The following NT5C2 variants were observed in gnomAD, a reference collection of about 807,000 sequenced individuals.
NT5C2 encodes the protein 5'-nucleotidase, cytosolic II.
In NT5C2, 58 loss-of-function variants were observed where a neutral mutation model predicts 76.1. The observed-to-expected ratio is 0.76, with a 90% CI of 0.62 to 0.95. The LOEUF (loss-of-function observed/expected upper bound fraction) is 0.95, where lower values mean the gene tolerates loss of function less well. Ranked by LOEUF, NT5C2 falls within the 40% of genes least tolerant of loss-of-function variation. The pLI, the probability that NT5C2 is intolerant of heterozygous loss-of-function variation, is 0.00. For missense variants in NT5C2, 478 were observed against 690.3 expected (o/e 0.69, Z 3.45); for synonymous variants, 229 against 237.4 (o/e 0.96, Z 0.32).
At chr10:103,121,293 A>AT (rs1186545828) in intron 4 of NT5C2, among the ~76,000 whole-genome samples, 7 of 152,192 alleles carry the variant, frequency 4.6e-5, no homozygotes, top group African/African-American at 1.4e-4. Context: ...TATTCTATAT[A>AT]TTTTACCATA....
chr10:103,169,081 G>A (rs2087139530), intron 3 of NT5C2, among the ~76,000 whole-genome samples: 4 of 151,982 alleles, frequency 2.6e-5, no homozygotes, highest in Non-Finnish European at 5.9e-5. Context: ...ATCATGATGA[G>A]TACAGATAAT....
intron 2 of NT5C2, among the ~76,000 whole-genome samples, chr10:103,180,240 AAGAC>A (rs2090817156): frequency 6.6e-6 from 1 of 152,342 alleles, no homozygotes; most frequent in African/African-American, 2.4e-5. Context: ...TAAAATTAAA[AAGAC>A]AGTATCAAAT....
intron 1 of NT5C2, among the ~76,000 whole-genome samples, chr10:103,186,512 G>A (rs1591912523): frequency 6.6e-6 from 1 of 152,160 alleles, no homozygotes; most frequent in Non-Finnish European, 1.5e-5. Context: ...TATAGCTATA[G>A]GTTTGTTTCC....
chr10:103,129,225 C>T (rs1414052679), intron 4 of NT5C2, among the ~76,000 whole-genome samples: 1 of 101,850 alleles, frequency 9.8e-6, no homozygotes, highest in Non-Finnish European at 2.1e-5. Flanking sequence ...TCAGCCTGGC[C>T]AGCCACCCCG....
intron 3 of NT5C2, among the ~76,000 whole-genome samples, chr10:103,174,119 A>C (rs912309014): frequency 1.3e-5 from 2 of 148,398 alleles, no homozygotes; most frequent in African/African-American, 5.0e-5. Context: ...AAAAAAATTC[A>C]TTCTTGGCAG....
At chr10:103,185,571 C>T (rs543317705) in intron 1 of NT5C2, among the ~76,000 whole-genome samples, 10 of 147,158 alleles carry the variant, frequency 6.8e-5, no homozygotes, top group Non-Finnish European at 1.3e-4. Flanking sequence ...TTGCTTGAGC[C>T]GGGAAGGCAG....
At chr10:103,125,164 T>C in intron 4 of NT5C2, 1 of 575,512 alleles carries the variant, frequency 1.7e-6, no homozygotes, top group Non-Finnish European at 3.2e-6. Flanking sequence ...GATCTTTGAG[T>C]TGCACATCAA....
At chr10:103,172,165 G>A (rs567264242) in intron 3 of NT5C2, among the ~76,000 whole-genome samples, 2 of 151,984 alleles carry the variant, frequency 1.3e-5, no homozygotes, top group Non-Finnish European at 1.5e-5. Flanking sequence ...AGCTGAGACC[G>A]CGCCACTGTA....
At chr10:103,190,375 C>A (rs2092545519) in intron 1 of NT5C2, among the ~76,000 whole-genome samples, 1 of 152,110 alleles carries the variant, frequency 6.6e-6, no homozygotes, top group African/African-American at 2.4e-5. Flanking sequence ...ATTAATCATA[C>A]CCTCAATACA....
At chr10:103,127,972 G>T (rs1380663044) in intron 4 of NT5C2, among the ~76,000 whole-genome samples, 1 of 151,988 alleles carries the variant, frequency 6.6e-6, no homozygotes, top group East Asian at 1.9e-4. Flanking sequence ...GGGATTACAG[G>T]AGTGAACCAC....
At chr10:103,126,014 C>T (rs934093875) in intron 4 of NT5C2, among the ~76,000 whole-genome samples, 1 of 152,158 alleles carries the variant, frequency 6.6e-6, no homozygotes, top group African/African-American at 2.4e-5. Context: ...GTTAGCCTGA[C>T]TCATCTGTGT....
chr10:103,107,391 T>C (rs185515028), intron 4 of NT5C2, among the ~76,000 whole-genome samples: 71 of 152,274 alleles, frequency 4.7e-4, no homozygotes, highest in African/African-American at 1.6e-3. Flanking sequence ...TATTGAAGAA[T>C]TGGTCAGGCG....
In NT5C2 at chr10:103,187,440, C is replaced by G. The variant is rs182250742; in HGVS notation, c.-169+5796G>C. The stretch of plus-strand genomic sequence containing the variant: ...TAGTGGTGGGCGCCTGTAATCCCAG[C>G]TACTCGGGAGATTAAGGCAGAGAAT... On this transcript the variant is annotated intron_variant, in intron 1 of 18. Coordinates refer to ENST00000404739, the MANE Select transcript of NT5C2 (RefSeq NM_001351169.2). Among the ~76,000 whole-genome samples the G allele has an allele frequency of 7.7e-4, 114 of 148,824 alleles. 1 individual carries two copies. The highest frequency in any genetic ancestry group is 2.8e-3 in the African/African-American group (111 of 40,312).
intron 4 of NT5C2, among the ~76,000 whole-genome samples, chr10:103,115,621 T>C (rs1024230017): frequency 5.3e-5 from 8 of 152,236 alleles, no homozygotes; most frequent in African/African-American, 1.7e-4. Context: ...AAATGGGTTT[T>C]ATTAAGCAAT....
At position 103,090,943 on chromosome 10, in the gene NT5C2, C is replaced by T. The variant is rs772482387; in HGVS notation, c.1265G>A (p.Arg422His). 7 of 1,613,488 alleles carry T rather than the reference C, an allele frequency of 4.3e-6. No homozygotes were observed. The highest frequency in any genetic ancestry group is 3.3e-5 in the South Asian group (3 of 91,086). Reference protein sequence around the residue: ...ERPDISSIQRRIKKVTHDMDM... With the variant: ...ERPDISSIQRHIKKVTHDMDM... The stretch of plus-strand genomic sequence containing the variant: ...CAAATCCCATTTGGATACCTTAATA[C>T]GTCTCTGGATGGAACTGATGTCTGG... The change falls in exon 17 of 19, where the codon CGT (arginine) becomes CAT (histidine). Residue 422 changes from arginine to histidine, a missense_variant. Coordinates refer to ENST00000404739, the MANE Select transcript of NT5C2 (RefSeq NM_001351169.2).
chr10:103,176,995 CT>C (rs964449640), intron 2 of NT5C2, among the ~76,000 whole-genome samples: 83 of 145,748 alleles, frequency 5.7e-4, no homozygotes, highest in Non-Finnish European at 5.5e-4. Flanking sequence ...CAGATTTGTA[CT>C]TTTTTTTTTT....
intron 3 of NT5C2, among the ~76,000 whole-genome samples, chr10:103,143,615 T>G (rs180845012): frequency 0.092 from 12,434 of 135,524 alleles, 827 homozygotes; most frequent in East Asian, 0.27. Context: ...TTTTTTTTTT[T>G]TTTTTTTTTT....
intron 3 of NT5C2, 28 bp downstream of exon 3, chr10:103,174,830 T>C (rs1565289636): frequency 4.1e-6 from 6 of 1,460,316 alleles, no homozygotes; most frequent in Non-Finnish European, 5.8e-6. Context: ...TAGAGGGGTT[T>C]TGAGGATTAA....
In NT5C2 at chr10:103,180,957, G is replaced by A. The variant is rs185671129; in HGVS notation, c.-25+228C>T. ...AAAAGAGTACATAGTGTATGATTCC[G>A]TATATATAAAATCCTAGAAAATGCA... On this transcript the variant is annotated intron_variant, in intron 2 of 18. Transcript: ENST00000404739. Among the ~76,000 whole-genome samples the A allele has an allele frequency of 9.2e-5, 14 of 152,198 alleles. 1 individual carries two copies. The East Asian group carries it at 2.7e-3, about 29-fold the overall frequency.
Sources: allele counts gnomAD v4.1 joint callset (sites outside exome capture counted in the v4.1 genomes callset), GRCh38; gene constraint gnomAD v4.1.1; transcripts MANE v1.5; gene names NCBI Gene and HGNC (gene_info 2026-07-23, HGNC 2026-07-21).